IGSF10: variants seen among roughly 807,000 people sequenced by gnomAD.
IGSF10 encodes immunoglobulin superfamily member 10, also known as calvaria mechanical force protein 608.
IGSF10 carries 126 observed loss-of-function variants against 128.2 expected under a neutral mutation model. That is an observed-to-expected ratio of 0.98 (90% CI 0.85 to 1.14). IGSF10 has a LOEUF of 1.14. Among genes scored for constraint, IGSF10 ranks in the 50% most tolerant of loss-of-function variants. The pLI is 0.00. For synonymous variants in IGSF10, 1,185 were observed against 1,146.2 expected (o/e 1.03, Z -0.68); for missense variants, 3,295 against 3,149.8 (o/e 1.05, Z -1.10).
chr3:151,546,149 G>C, the IGSF10 span, among the ~76,000 whole-genome samples: 3 of 151,504 alleles, frequency 2.0e-5, no homozygotes, highest in Non-Finnish European at 2.9e-5. Context: ...ATCAAAAACA[G>C]ATCTATGACC....
the IGSF10 span, among the ~76,000 whole-genome samples, chr3:151,537,697 T>C: frequency 6.6e-6 from 1 of 152,182 alleles, no homozygotes; most frequent in Non-Finnish European, 1.5e-5. Flanking sequence ...CACTGTTTCC[T>C]CTTCTAAGTG....
chr3:151,531,976 T>TA, the IGSF10 span, among the ~76,000 whole-genome samples: 6 of 151,284 alleles, frequency 4.0e-5, no homozygotes, highest in African/African-American at 1.2e-4. Flanking sequence ...ATAAATGCAA[T>TA]AAAAAATGAT....
the IGSF10 span, among the ~76,000 whole-genome samples, chr3:151,481,277 C>A: frequency 2.0e-5 from 3 of 152,146 alleles, no homozygotes; most frequent in Admixed American, 2.0e-4. Flanking sequence ...TAGCCTTCTG[C>A]AGTTTAAGCT....
chr3:151,486,648 A>T, the IGSF10 span, among the ~76,000 whole-genome samples: 1 of 152,254 alleles, frequency 6.6e-6, no homozygotes, highest in Non-Finnish European at 1.5e-5. Flanking sequence ...AGAACTCAAG[A>T]TTAAGAAACT....
In IGSF10 at chr3:151,447,033, G is replaced by A. The variant is rs760190001; in HGVS notation, c.2948C>T (p.Pro983Leu). 1 of 1,613,810 alleles carries A rather than the reference G, an allele frequency of 6.2e-7. No individual in the cohort carries two copies. Among genetic ancestry groups the A allele is most frequent in the Admixed American group, 1.7e-5 (1 of 59,996 alleles). ...ATGAGCAGCTGTGTGTGGATCTGAAGGGAACGTGGAGGTGCTAAGTATTTG... is the reference window on the plus strand; with the variant it reads ...ATGAGCAGCTGTGTGTGGATCTGAAAGGAACGTGGAGGTGCTAAGTATTTG... Reference protein sequence around the residue: ...TTQILSTSTFPSDPHTAAHSQ... With the variant: ...TTQILSTSTFLSDPHTAAHSQ... The change falls in exon 6 of 8, where the codon CCT (proline) becomes CTT (leucine). Residue 983 changes from proline to leucine, a missense_variant. Coordinates refer to ENST00000282466, the MANE Select transcript of IGSF10 (RefSeq NM_178822.5).
At chr3:151,515,340 C>T in the IGSF10 span, among the ~76,000 whole-genome samples, 1,259 of 151,294 alleles carry the variant, frequency 8.3e-3, 18 homozygotes, top group African/African-American at 0.029. Context: ...AAGCTGGAAA[C>T]CATCATTCTC....
rs367812916 is a variant in IGSF10 at position 151,443,548 on chromosome 3, G to A, written c.5399C>T (p.Thr1800Met). The A allele has an allele frequency of 7.9e-5, 128 of 1,614,186 alleles. No individual in the cohort carries two copies. The African/African-American group carries it at 9.1e-4, about 11-fold the overall frequency. The change falls in exon 7 of 8, where the codon ACG (threonine) becomes ATG (methionine). Residue 1800 changes from threonine to methionine, a missense_variant. Thr to Met is a moderately conservative substitution (Grantham distance 81). Coordinates refer to ENST00000282466, the MANE Select transcript of IGSF10 (RefSeq NM_178822.5). ...SSQGSRQAVV[T>M]VDGTLVLHNL... ...GTGGAGGACCAATGTTCCGTCAACCGTCACCACAGCCTGCCTACTTCCCTG... is the reference window on the plus strand; with the variant it reads ...GTGGAGGACCAATGTTCCGTCAACCATCACCACAGCCTGCCTACTTCCCTG...
the IGSF10 span, among the ~76,000 whole-genome samples, chr3:151,561,162 C>T: frequency 1.3e-5 from 2 of 152,226 alleles, no homozygotes; most frequent in African/African-American, 4.8e-5. Flanking sequence ...ATGACAGCCT[C>T]GAATCAGAAC....
At chr3:151,612,471 G>T in the IGSF10 span, among the ~76,000 whole-genome samples, 1 of 152,140 alleles carries the variant, frequency 6.6e-6, no homozygotes, top group Non-Finnish European at 1.5e-5. Flanking sequence ...CAAAAGGTCA[G>T]AATGGCCTGT....
chr3:151,604,987 A>C, the IGSF10 span, among the ~76,000 whole-genome samples: 3 of 152,220 alleles, frequency 2.0e-5, no homozygotes, highest in African/African-American at 7.2e-5. Context: ...CATGGCTAAC[A>C]GTGTGGCAAC....
At chr3:151,571,606 TA>T in the IGSF10 span, among the ~76,000 whole-genome samples, 1 of 152,198 alleles carries the variant, frequency 6.6e-6, no homozygotes, top group African/African-American at 2.4e-5. Flanking sequence ...CTTATCAGCT[TA>T]AGGAGATTTT....
chr3:151,465,217 T>G (rs1035728164), upstream of IGSF10, among the ~76,000 whole-genome samples: 1 of 152,186 alleles, frequency 6.6e-6, no homozygotes, highest in African/African-American at 2.4e-5. Flanking sequence ...GAATCTCACA[T>G]TTTTGTTAGT....
At chr3:151,554,132 T>TCACACACA in the IGSF10 span, among the ~76,000 whole-genome samples, 39 of 147,438 alleles carry the variant, frequency 2.6e-4, no homozygotes, top group East Asian at 3.4e-3. Flanking sequence ...CAGAGTGAGA[T>TCACACACA]CACACACACA....
At chr3:151,451,402 T>C (rs1381202627) in intron 5 of IGSF10, among the ~76,000 whole-genome samples, 1 of 152,240 alleles carries the variant, frequency 6.6e-6, no homozygotes, top group African/African-American at 2.4e-5. Context: ...CTTGTTTACT[T>C]ATCTGTCTTC....
chr3:151,448,628 C>T lies in IGSF10; in HGVS notation c.1353G>A (p.Gln451=), dbSNP rs879420510. ...AAGTGATTTGAGCATCACTGGAGTACTGGATCTGTAATGTACTGAATGTGG... is the reference window on the plus strand; with the variant it reads ...AAGTGATTTGAGCATCACTGGAGTATTGGATCTGTAATGTACTGAATGTGG... ...TATTFSTLQI[Q]YSSDAQITLP... Residue 451 remains glutamine (Q), a synonymous_variant, in exon 6 of 8, where the codon CAG becomes CAA. Coordinates refer to ENST00000282466, the MANE Select transcript of IGSF10 (RefSeq NM_178822.5). 6.8e-6 allele frequency: 11 copies of T among 1,614,060 alleles called. No individual in the cohort carries two copies. The highest frequency in any genetic ancestry group is 7.6e-6 in the Non-Finnish European group (9 of 1,180,020).
the IGSF10 span, among the ~76,000 whole-genome samples, chr3:151,597,232 T>A: frequency 2.0e-5 from 3 of 152,134 alleles, no homozygotes; most frequent in African/African-American, 7.2e-5. Flanking sequence ...AGTGAGGAAA[T>A]GGACACAGAT....
At chr3:151,496,794 A>C in the IGSF10 span, among the ~76,000 whole-genome samples, 1 of 151,950 alleles carries the variant, frequency 6.6e-6, no homozygotes. Context: ...CAGTCCCACC[A>C]ACAGTGTAAA....
chr3:151,565,433 C>T, the IGSF10 span, among the ~76,000 whole-genome samples: 1 of 152,080 alleles, frequency 6.6e-6, no homozygotes, highest in African/African-American at 2.4e-5. Context: ...GTGGTAAGGT[C>T]TGGTTTACTG....
the IGSF10 span, among the ~76,000 whole-genome samples, chr3:151,508,530 T>A: frequency 2.0e-5 from 3 of 152,168 alleles, no homozygotes; most frequent in Non-Finnish European, 4.4e-5. Context: ...GTCTCCTTTA[T>A]CAAAGAGTAC....
Sources: allele counts gnomAD v4.1 joint callset (sites outside exome capture counted in the v4.1 genomes callset), GRCh38; gene constraint gnomAD v4.1.1; transcripts MANE v1.5; gene names NCBI Gene and HGNC (gene_info 2026-07-23, HGNC 2026-07-21).